The following RAD21L1 variants were observed in gnomAD, a reference collection of about 807,000 sequenced individuals.
RAD21L1 encodes double-strand-break repair protein rad21-like protein 1.
Under a neutral mutation model 69.0 loss-of-function variants are expected in RAD21L1, and 47 were observed. The observed-to-expected ratio is 0.68, with a 90% CI of 0.54 to 0.87. RAD21L1 has a LOEUF of 0.87. RAD21L1 is among the 40% of genes least tolerant of loss of function. RAD21L1 has a pLI of 0.00. For synonymous variants in RAD21L1, 177 were observed against 205.8 expected, an observed-to-expected ratio of 0.86 and a Z score of 1.20; for missense variants, 583 against 647.6, an observed-to-expected ratio of 0.90 and a Z score of 1.08.
intron 5 of RAD21L1, among the ~76,000 whole-genome samples, chr20:1,235,779 T>G (rs904209377): frequency 5.9e-5 from 9 of 152,090 alleles, no homozygotes; most frequent in African/African-American, 2.2e-4. Context: ...TCACTTTTTT[T>G]TTTTTTTAAA....
In RAD21L1 at chr20:1,235,167, AACTCC is replaced by A. The variant is rs1274391963; in HGVS notation, c.475+978_475+982del. Among the ~76,000 whole-genome samples, 4 of 152,164 alleles carry A rather than the reference AACTCC, an allele frequency of 2.6e-5. No homozygotes were observed. The East Asian group carries it at 7.7e-4, about 29-fold the overall frequency. On this transcript the variant is annotated intron_variant, in intron 5 of 13. Transcript: ENST00000683101. ...TATACACCTCTTGTCTTGGTCTACA[AACTCC>A]ATGAGGATAGAATCTGTGTAATGTT...
chr20:1,245,312 G>C (rs914137471), intron 11 of RAD21L1, among the ~76,000 whole-genome samples: 1 of 152,092 alleles, frequency 6.6e-6, no homozygotes, highest in Non-Finnish European at 1.5e-5. Context: ...TGATTCTGAT[G>C]AATCATTTTC....
At chr20:1,250,598 G>A (rs141396125) in intron 13 of RAD21L1, among the ~76,000 whole-genome samples, 9,242 of 152,190 alleles carry the variant, frequency 0.061, 387 homozygotes, top group South Asian at 0.1. Context: ...TCTTAATCCA[G>A]TCTATCATTG....
Position 1,229,925 on chromosome 20 carries a change from G to T in RAD21L1, c.190G>T (p.Val64Phe), listed in dbSNP as rs377478024. 3.7e-5 allele frequency: 58 copies of T among 1,549,930 alleles called. No homozygotes were observed. The African/African-American group carries it at 7.7e-4, about 21-fold the overall frequency. Reference sequence around the variant, plus strand: ...TTCAGGACACCTTCTTTTGGGAGTTGTTCGAATCTATAACAGGAAGGCAAA... The same window carrying T: ...TTCAGGACACCTTCTTTTGGGAGTTTTTCGAATCTATAACAGGAAGGCAAA... ...RTSGHLLLGV[V>F]RIYNRKAKYL... is the part of the protein sequence containing the mutation. Residue 64 changes from valine to phenylalanine, a missense_variant, in exon 3 of 14, where the codon GTT becomes TTT. Coordinates refer to ENST00000683101, the MANE Select transcript of RAD21L1 (RefSeq NM_001384355.1).
chr20:1,247,689 A>C (rs2087743141), intron 12 of RAD21L1, among the ~76,000 whole-genome samples: 1 of 152,126 alleles, frequency 6.6e-6, no homozygotes, highest in Non-Finnish European at 1.5e-5. Flanking sequence ...AATGTCATGC[A>C]GAATATTCTG....
At chr20:1,252,083 A>G (rs73073653) in intron 13 of RAD21L1, among the ~76,000 whole-genome samples, 246 of 152,166 alleles carry the variant, frequency 1.6e-3, no homozygotes, top group Non-Finnish European at 2.6e-3. Context: ...TCTCACTGTT[A>G]TCCTAGCCAT....
Position 1,243,175 on chromosome 20 carries a change from G to T in RAD21L1, c.1162G>T (p.Val388Leu), listed in dbSNP as rs1178790490. ...MIQKESVREE[V>L]GNQNIVETSM... is the part of the protein sequence containing the mutation. ...ACAGAAGGAGTCAGTAAGGGAAGAAGTGGGAAACCAAAATATAGTAGGTGA... is the reference window on the plus strand; with the variant it reads ...ACAGAAGGAGTCAGTAAGGGAAGAATTGGGAAACCAAAATATAGTAGGTGA... The change falls in exon 10 of 14, where the codon GTG becomes TTG. Residue 388 changes from valine to leucine, a missense_variant. Val to Leu is a conservative substitution (Grantham distance 32, BLOSUM62 1). Coordinates refer to ENST00000683101, the MANE Select transcript of RAD21L1 (RefSeq NM_001384355.1). The T allele has an allele frequency of 3.3e-6, 5 of 1,526,532 alleles. No individual in the cohort carries two copies. The highest frequency in any genetic ancestry group is 4.2e-5 in the Admixed American group (2 of 47,482). The allele number at this position is 1,526,532 out of a possible 1,614,324, so 94.6% of individuals were successfully genotyped here.
intron 1 of RAD21L1, among the ~76,000 whole-genome samples, chr20:1,227,393 C>G (rs189919031): frequency 7.2e-5 from 11 of 152,344 alleles, no homozygotes; most frequent in Admixed American, 2.6e-4. Context: ...TGGCGGATTG[C>G]GTCACCTTTA....
intron 8 of RAD21L1, 78 bp downstream of exon 8, chr20:1,240,512 T>A (rs1025608479): frequency 1.6e-5 from 24 of 1,477,992 alleles, no homozygotes; most frequent in Non-Finnish European, 2.1e-5. Context: ...GAATAATCAC[T>A]GAAATATTAT....
At chr20:1,252,300 G>A (rs1488299833) in intron 13 of RAD21L1, among the ~76,000 whole-genome samples, 2 of 152,202 alleles carry the variant, frequency 1.3e-5, no homozygotes, top group East Asian at 1.9e-4. Context: ...ATATACGCAT[G>A]AGTAGGGGTT....
At chr20:1,252,039 AC>A (rs2087844875) in intron 13 of RAD21L1, among the ~76,000 whole-genome samples, 2 of 151,940 alleles carry the variant, frequency 1.3e-5, no homozygotes, top group South Asian at 4.2e-4. Flanking sequence ...TCCAACTGGC[AC>A]CCCCATTCCC....
At chr20:1,238,271 A>T in intron 6 of RAD21L1, 57 bp downstream of exon 6, 1 of 1,142,894 alleles carries the variant, frequency 8.7e-7, no homozygotes, top group Non-Finnish European at 1.2e-6. Flanking sequence ...TTACTACAAT[A>T]TATTAGTAGA....
At chr20:1,253,165 A>G (rs1024710317) in intron 13 of RAD21L1, among the ~76,000 whole-genome samples, 10 of 152,242 alleles carry the variant, frequency 6.6e-5, no homozygotes, top group African/African-American at 2.2e-4. Flanking sequence ...ATGACAAAGT[A>G]TTTAATTTAT....
intron 2 of RAD21L1, 139 bp downstream of exon 2, chr20:1,228,736 A>AT: frequency 1.6e-6 from 1 of 639,028 alleles, no homozygotes; most frequent in Non-Finnish European, 2.6e-6. Context: ...TTCCTATAGC[A>AT]TTTAGTGTTA....
intron 7 of RAD21L1, 45 bp downstream of exon 7, chr20:1,239,452 G>A (rs2087563542): frequency 9.8e-7 from 1 of 1,020,988 alleles, no homozygotes; most frequent in Non-Finnish European, 1.5e-6. Flanking sequence ...GGTTACTAAT[G>A]TTTAAGCCTC....
intron 11 of RAD21L1, among the ~76,000 whole-genome samples, chr20:1,245,759 G>T (rs1368890323): frequency 6.6e-6 from 1 of 151,926 alleles, no homozygotes; most frequent in Non-Finnish European, 1.5e-5. Flanking sequence ...CATGGTCCTC[G>T]GTAGGGATAT....
intron 5 of RAD21L1, among the ~76,000 whole-genome samples, chr20:1,235,557 C>T (rs1434886690): frequency 6.6e-6 from 1 of 152,064 alleles, no homozygotes; most frequent in Non-Finnish European, 1.5e-5. Flanking sequence ...TTCTGTAAAA[C>T]TTTCTGAAAA....
intron 5 of RAD21L1, among the ~76,000 whole-genome samples, chr20:1,237,412 G>A (rs1051907701): frequency 4.6e-5 from 7 of 151,954 alleles, no homozygotes; most frequent in African/African-American, 9.7e-5. Flanking sequence ...TTCTGTGGAT[G>A]TGTTTCCTCA....
At chr20:1,236,572 G>A (rs2122802704) in intron 5 of RAD21L1, among the ~76,000 whole-genome samples, 1 of 151,386 alleles carries the variant, frequency 6.6e-6, no homozygotes, top group South Asian at 2.1e-4. Context: ...GGCAGATTTG[G>A]GTTTGAATCT....
Sources: allele counts gnomAD v4.1 joint callset (sites outside exome capture counted in the v4.1 genomes callset), GRCh38; gene constraint gnomAD v4.1.1; transcripts MANE v1.5; gene names NCBI Gene and HGNC (gene_info 2026-07-23, HGNC 2026-07-21).